The following QTMAN variants were observed in gnomAD, a reference collection of about 807,000 sequenced individuals.
The protein encoded by QTMAN is queuosine-tRNA mannosyltransferase.
chr2:144,032,929 G>A, the QTMAN span, among the ~76,000 whole-genome samples: 1 of 151,918 alleles, frequency 6.6e-6, no homozygotes, highest in Non-Finnish European at 1.5e-5. Context: ...AAAAAAATAG[G>A]GACTAGATAG....
At chr2:144,101,803 CA>C in the QTMAN span, among the ~76,000 whole-genome samples, 1 of 152,076 alleles carries the variant, frequency 6.6e-6, no homozygotes, top group Non-Finnish European at 1.5e-5. Flanking sequence ...CTTGGTCTGT[CA>C]AAATAAACAT....
the QTMAN span, chr2:144,006,758 T>C: frequency 3.5e-4 from 54 of 155,656 alleles, no homozygotes; most frequent in South Asian, 9.9e-3. Context: ...GCCACCCTGT[T>C]GAAACTGGTC....
the QTMAN span, among the ~76,000 whole-genome samples, chr2:144,197,616 T>C: frequency 1.4e-4 from 22 of 152,274 alleles, no homozygotes; most frequent in African/African-American, 5.3e-4. Context: ...CCTTTTCACA[T>C]AGATAGGACA....
At chr2:144,119,297 C>G in the QTMAN span, among the ~76,000 whole-genome samples, 7 of 152,184 alleles carry the variant, frequency 4.6e-5, no homozygotes, top group African/African-American at 1.7e-4. Context: ...TGCACAAACC[C>G]TGAGATAGTC....
At chr2:144,129,642 C>G in the QTMAN span, among the ~76,000 whole-genome samples, 1 of 151,964 alleles carries the variant, frequency 6.6e-6, no homozygotes, top group Non-Finnish European at 1.5e-5. Flanking sequence ...ACTAAACAAT[C>G]AGAATTAATT....
At chr2:144,104,882 A>G in the QTMAN span, among the ~76,000 whole-genome samples, 1 of 152,212 alleles carries the variant, frequency 6.6e-6, no homozygotes, top group Non-Finnish European at 1.5e-5. Context: ...GACACCTCAC[A>G]TGGCCAGGTA....
the QTMAN span, among the ~76,000 whole-genome samples, chr2:144,322,438 GA>G: frequency 7.1e-4 from 108 of 152,114 alleles, no homozygotes; most frequent in African/African-American, 2.5e-3. Flanking sequence ...TTTCAAAACA[GA>G]AAAAAGCTTT....
the QTMAN span, among the ~76,000 whole-genome samples, chr2:144,219,067 G>A: frequency 6.6e-6 from 1 of 152,078 alleles, no homozygotes; most frequent in Non-Finnish European, 1.5e-5. Context: ...AGACACATTT[G>A]ATGTTTTTAA....
the QTMAN span, among the ~76,000 whole-genome samples, chr2:143,958,338 A>T: frequency 6.6e-6 from 1 of 152,172 alleles, no homozygotes; most frequent in Non-Finnish European, 1.5e-5. Flanking sequence ...AATAAAGGCA[A>T]GCAGCAGTTA....
the QTMAN span, among the ~76,000 whole-genome samples, chr2:144,115,190 C>G: frequency 6.6e-6 from 1 of 151,952 alleles, no homozygotes. Flanking sequence ...GAGATCACAC[C>G]ACGGAACTCC....
chr2:144,280,965 T>A, the QTMAN span, among the ~76,000 whole-genome samples: 1 of 151,958 alleles, frequency 6.6e-6, no homozygotes, highest in African/African-American at 2.4e-5. Flanking sequence ...CGTGCAGGTT[T>A]GTTACATACG....
At chr2:144,133,428 A>ATATAAATATAATATATTATATATAAT in the QTMAN span, among the ~76,000 whole-genome samples, 1 of 45,020 alleles carries the variant, frequency 2.2e-5, no homozygotes, top group African/African-American at 1.6e-4. Context: ...TAATATATAT[A>ATATAAATATAATATATTATATATAAT]ATATATAATA....
the QTMAN span, among the ~76,000 whole-genome samples, chr2:143,989,310 A>G: frequency 6.6e-6 from 1 of 152,156 alleles, no homozygotes; most frequent in Non-Finnish European, 1.5e-5. Context: ...ATAATCATAA[A>G]GCTAAAATAC....
At chr2:143,953,881 G>A in the QTMAN span, among the ~76,000 whole-genome samples, 1 of 151,814 alleles carries the variant, frequency 6.6e-6, no homozygotes, top group Admixed American at 6.6e-5. Flanking sequence ...CAGTGACGAA[G>A]TACATGAAAC....
At chr2:144,292,208 A>T in the QTMAN span, among the ~76,000 whole-genome samples, 4 of 152,212 alleles carry the variant, frequency 2.6e-5, no homozygotes, top group African/African-American at 7.2e-5. Context: ...TTACAAGATC[A>T]TCAAACCCAG....
At chr2:144,065,987 T>C in the QTMAN span, among the ~76,000 whole-genome samples, 1 of 152,162 alleles carries the variant, frequency 6.6e-6, no homozygotes, top group Admixed American at 6.5e-5. Context: ...GCTTCTCTAA[T>C]GCATGATTTC....
At chr2:144,317,839 T>C in the QTMAN span, among the ~76,000 whole-genome samples, 1 of 152,174 alleles carries the variant, frequency 6.6e-6, no homozygotes, top group Non-Finnish European at 1.5e-5. Flanking sequence ...GTTCTCTAAT[T>C]CAATTAAATG....
chr2:144,331,104 T>C, the QTMAN span, among the ~76,000 whole-genome samples: 2 of 152,200 alleles, frequency 1.3e-5, no homozygotes, highest in African/African-American at 4.8e-5. Context: ...CAAGAGGTAC[T>C]CCTCTAATCC....
chr2:144,182,681 G>A, the QTMAN span, among the ~76,000 whole-genome samples: 10 of 139,612 alleles, frequency 7.2e-5, no homozygotes, highest in East Asian at 1.8e-3. Flanking sequence ...CCTTAAAAGT[G>A]CTGCAGGGCA....
Sources: gnomAD v4.1 joint callset for allele counts (sites outside exome capture counted in the v4.1 genomes callset) on GRCh38, gnomAD v4.1.1 for gene constraint, MANE v1.5 for transcripts, NCBI Gene and HGNC (gene_info 2026-07-23, HGNC 2026-07-21) for gene names.